PCGF5: variants seen among roughly 807,000 people sequenced by gnomAD.
PCGF5 encodes polycomb group RING finger protein 5.
A neutral mutation model predicts 44.3 loss-of-function variants in PCGF5; 9 were observed. The observed-to-expected ratio is 0.20, with a 90% confidence interval of 0.12 to 0.35. The LOEUF (loss-of-function observed/expected upper bound fraction) is 0.35, where lower values mean the gene tolerates loss of function less well. Among genes scored for constraint, PCGF5 ranks in the 10% least tolerant of loss-of-function variants. The pLI is 1.00. For synonymous variants in PCGF5, 95 were observed against 102.5 expected (o/e 0.93, Z 0.44); for missense variants, 146 against 305.3 (o/e 0.48, Z 3.89).
At chr10:91,233,943 C>T (rs1486217463) in intron 2 of PCGF5, among the ~76,000 whole-genome samples, 1 of 152,192 alleles carries the variant, frequency 6.6e-6, no homozygotes, top group Non-Finnish European at 1.5e-5. Context: ...TCAATGAAGA[C>T]ACTTAAAGAC....
At chr10:91,248,888 A>G (rs761959964) in intron 5 of PCGF5, among the ~76,000 whole-genome samples, 164 bp downstream of exon 5, 1 of 152,072 alleles carries the variant, frequency 6.6e-6, no homozygotes, top group Non-Finnish European at 1.5e-5. Context: ...GAGATTTTAT[A>G]TAAATGAGTG....
chr10:91,238,601 C>CTTTCTTTCTTTCTTTCTT (rs1564644969), intron 2 of PCGF5, among the ~76,000 whole-genome samples: 2 of 58,440 alleles, frequency 3.4e-5, no homozygotes, highest in African/African-American at 1.4e-4. Context: ...TTCTTTCTTT[C>CTTTCTTTCTTTCTTTCTT]TTTTTTTTTT....
the PCGF5 span, among the ~76,000 whole-genome samples, chr10:91,157,745 G>A: frequency 6.6e-6 from 1 of 152,212 alleles, no homozygotes; most frequent in Non-Finnish European, 1.5e-5. Context: ...ACTTTTAGCT[G>A]TGTTTTAAGG....
At position 91,283,687 on chromosome 10, in the gene PCGF5, C is replaced by G. The variant is rs887923655; in HGVS notation, c.*5371C>G. ...AGTGTCCTTATGAAGCTGTGGTCCA[C>G]GACAGGAGCTTGTTGGGGGAGTACC... On this transcript the variant is annotated 3_prime_UTR_variant, in exon 10 of 10. Transcript: ENST00000336126. The G allele has an allele frequency of 6.6e-6, 1 of 152,070 alleles. No individual in the cohort carries two copies. The highest frequency in any genetic ancestry group is 2.4e-5 in the African/African-American group (1 of 41,360). The allele number at this position is 152,070 out of a possible 1,614,324, so 9.4% of individuals were successfully genotyped here.
intron 1 of PCGF5, among the ~76,000 whole-genome samples, chr10:91,211,606 T>C (rs1844453194): frequency 6.6e-6 from 1 of 152,160 alleles, no homozygotes; most frequent in Non-Finnish European, 1.5e-5. Flanking sequence ...TCTATCTTCA[T>C]AGGAAGAGAG....
chr10:91,262,837 T>C (rs1458631243), intron 7 of PCGF5, among the ~76,000 whole-genome samples: 1 of 152,170 alleles, frequency 6.6e-6, no homozygotes, highest in Non-Finnish European at 1.5e-5. Flanking sequence ...AGACAATAAA[T>C]TGTTCTTATG....
chr10:91,244,995 T>C (rs1420382881), intron 3 of PCGF5, among the ~76,000 whole-genome samples: 1 of 152,112 alleles, frequency 6.6e-6, no homozygotes, highest in East Asian at 1.9e-4. Flanking sequence ...CATTTGGTAG[T>C]CTTCAACATA....
At chr10:91,261,640 A>G (rs1433165057) in intron 7 of PCGF5, among the ~76,000 whole-genome samples, 2 of 152,202 alleles carry the variant, frequency 1.3e-5, no homozygotes, top group African/African-American at 4.8e-5. Context: ...ATACTAATAC[A>G]TTTAGTGTTT....
intron 1 of PCGF5, among the ~76,000 whole-genome samples, chr10:91,176,812 C>G (rs955763692): frequency 6.6e-6 from 1 of 152,152 alleles, no homozygotes; most frequent in Non-Finnish European, 1.5e-5. Flanking sequence ...TTCATCTAAT[C>G]TTTTCTCAAG....
At chr10:91,186,598 G>GTA (rs1200136133) in intron 1 of PCGF5, among the ~76,000 whole-genome samples, 17 of 104,964 alleles carry the variant, frequency 1.6e-4, no homozygotes, top group African/African-American at 3.1e-4. Flanking sequence ...ATATATATGT[G>GTA]TATATATACA....
At chr10:91,248,223 A>G (rs919115044) in intron 3 of PCGF5, among the ~76,000 whole-genome samples, 1 of 152,130 alleles carries the variant, frequency 6.6e-6, no homozygotes, top group Non-Finnish European at 1.5e-5. Flanking sequence ...TTTCCAAGGC[A>G]GGGGAATAAA....
At chr10:91,204,408 T>A (rs1844304647) in intron 1 of PCGF5, among the ~76,000 whole-genome samples, 1 of 152,234 alleles carries the variant, frequency 6.6e-6, no homozygotes, top group Non-Finnish European at 1.5e-5. Flanking sequence ...TTATATACTT[T>A]TAACTAATAT....
chr10:91,273,958 C>A (rs959727933), intron 9 of PCGF5, among the ~76,000 whole-genome samples: 3 of 151,288 alleles, frequency 2.0e-5, no homozygotes, highest in Non-Finnish European at 4.4e-5. Flanking sequence ...TGATGTTTTC[C>A]TATTGAAAAA....
intron 3 of PCGF5, among the ~76,000 whole-genome samples, chr10:91,244,853 T>C (rs1182956716): frequency 6.6e-6 from 1 of 152,118 alleles, no homozygotes; most frequent in Admixed American, 6.6e-5. Context: ...GGAAGATTAA[T>C]AATAGAGCAA....
intron 1 of PCGF5, among the ~76,000 whole-genome samples, chr10:91,183,426 T>C (rs1388818929): frequency 6.6e-6 from 1 of 152,062 alleles, no homozygotes; most frequent in South Asian, 2.1e-4. Context: ...TTTTTTTTTT[T>C]CCTCCATCCT....
chr10:91,222,751 C>T lies in PCGF5; in HGVS notation c.-121C>T. The T allele has an allele frequency of 1.8e-6, 1 of 559,146 alleles. No homozygotes were observed. 34.6% of individuals were successfully genotyped at this position (559,146 alleles called of 1,614,324 possible). ...AACGATCTCATGATAAATCTGGATGCTAGTTCTCATGCCTCAGGACATCCT... is the reference window on the plus strand; with the variant it reads ...AACGATCTCATGATAAATCTGGATGTTAGTTCTCATGCCTCAGGACATCCT... On this transcript the variant is annotated 5_prime_UTR_variant, in exon 2 of 10. Coordinates refer to ENST00000336126, the MANE Select transcript of PCGF5 (RefSeq NM_032373.5).
intron 1 of PCGF5, among the ~76,000 whole-genome samples, chr10:91,211,855 T>C (rs1035630997): frequency 6.6e-6 from 1 of 151,998 alleles, no homozygotes; most frequent in Non-Finnish European, 1.5e-5. Context: ...TTATAGAGCT[T>C]ATCTGGAACC....
chr10:91,218,710 G>A (rs1363805761), upstream of PCGF5, among the ~76,000 whole-genome samples: 2 of 152,004 alleles, frequency 1.3e-5, no homozygotes, highest in Non-Finnish European at 2.9e-5. Context: ...TCGGCTCACT[G>A]CAACTTCCAC....
chr10:91,283,866 A>T lies in PCGF5; in HGVS notation c.*5550A>T, dbSNP rs2133495736. The T allele has an allele frequency of 6.5e-6, 1 of 152,780 alleles. No homozygotes were observed. Among genetic ancestry groups the T allele is most frequent in the East Asian group, 1.9e-4 (1 of 5,192 alleles). 9.5% of individuals were successfully genotyped at this position (152,780 alleles called of 1,614,324 possible). A position where few individuals can be genotyped will look rare whatever the true frequency, so the allele number is the denominator to read the frequency against. On this transcript the variant is annotated 3_prime_UTR_variant, in exon 10 of 10. Coordinates refer to ENST00000336126, the MANE Select transcript of PCGF5 (RefSeq NM_032373.5). ...TAAAATATTTTAAGCTTTTTGTCAA[A>T]AGTGGTAACATCTTAATACAAATAA...
Sources: allele counts gnomAD v4.1 joint callset (sites outside exome capture counted in the v4.1 genomes callset), GRCh38; gene constraint gnomAD v4.1.1; transcripts MANE v1.5; gene names NCBI Gene and HGNC (gene_info 2026-07-23, HGNC 2026-07-21).